The following PRH1 variants were observed in gnomAD, a reference collection of about 807,000 sequenced individuals.
PRH1 encodes the protein proline rich protein HaeIII subfamily 1.
A neutral mutation model predicts 7.9 loss-of-function variants in PRH1; 7 were observed. The ratio of observed to expected loss-of-function variants is 0.89; its 90% CI spans 0.50 to 1.67. The LOEUF is 1.67. Among genes scored for constraint, PRH1 ranks in the 40% most tolerant of loss-of-function variants. The pLI, the probability that PRH1 is intolerant of heterozygous loss-of-function variation, is 0.00. For synonymous variants in PRH1, 45 were observed against 80.8 expected (o/e 0.56, Z 2.38); for missense variants, 109 against 223.6 (o/e 0.49, Z 3.27).
In PRH1 at chr12:10,950,120, C is replaced by T. The variant is rs550339510; in HGVS notation, c.-59+23535G>A. 3.8e-4 allele frequency among the ~76,000 whole-genome samples: 58 copies of T among 152,070 alleles called. 1 individual carries two copies. Among genetic ancestry groups the T allele is most frequent in the Admixed American group, 2.7e-3 (41 of 15,280 alleles). On this transcript the variant is annotated intron_variant, in intron 2 of 3. Coordinates refer to the PRH1 transcript ENST00000539853. Reference sequence around the variant, plus strand: ...TTTTAATTGCTGTATAGTACTCTACCGCATAAGTATGCCATAATTTATTTA... The same window carrying T: ...TTTTAATTGCTGTATAGTACTCTACTGCATAAGTATGCCATAATTTATTTA...
At chr12:11,073,823 T>C (rs1194319724) in intron 1 of PRH1, among the ~76,000 whole-genome samples, 1 of 152,140 alleles carries the variant, frequency 6.6e-6, no homozygotes, top group African/African-American at 2.4e-5. Context: ...ATCAAGCCCG[T>C]AGGAGAGGAG....
intron 2 of PRH1, among the ~76,000 whole-genome samples, chr12:10,920,556 A>ATG (rs1950031946): frequency 6.6e-6 from 1 of 152,172 alleles, no homozygotes; most frequent in Non-Finnish European, 1.5e-5. Context: ...CCACATTTTA[A>ATG]TGGACCAGTG....
Position 11,168,245 on chromosome 12 carries a change from AAAG to A in PRH1, n.39+3174_39+3176del. Among the ~76,000 whole-genome samples, 3 of 30,244 alleles carry A rather than the reference AAAG, an allele frequency of 9.9e-5. 1 individual carries two copies. In the East Asian group the frequency reaches 1.6e-3, roughly 16 times the overall value. The allele number at this position is 30,244 out of a possible 152,430, so 19.8% of individuals were successfully genotyped here. On this transcript the variant is annotated intron_variant and non_coding_transcript_variant, in intron 1 of 1. Coordinates refer to the PRH1 transcript ENST00000541175. ...GAAAGAAAGAAAGAAAGAAAGAAAG[AAAG>A]AAAGAAAGAAAGAAAGAAAGAAAGA...
intron 1 of PRH1, among the ~76,000 whole-genome samples, chr12:11,135,908 C>T (rs931164441): frequency 6.6e-6 from 1 of 152,042 alleles, no homozygotes; most frequent in Non-Finnish European, 1.5e-5. Flanking sequence ...TTCTATGAGA[C>T]GTTTCTCCTA....
intron 2 of PRH1, among the ~76,000 whole-genome samples, chr12:10,910,611 G>T (rs905031097): frequency 1.3e-5 from 2 of 152,112 alleles, no homozygotes; most frequent in African/African-American, 4.8e-5. Flanking sequence ...GATAAGCGGG[G>T]ACTAATGTGT....
rs187523839 is a variant in PRH1 at position 11,140,413 on chromosome 12, G to A, written n.40-19233C>T. On this transcript the variant is annotated intron_variant and non_coding_transcript_variant, in intron 1 of 1. Coordinates refer to the PRH1 transcript ENST00000541175. ...CATGTCTGAATGTTTTAAAAAGTAGGCCTAATATCACTGGTCAAGATTCCC... is the reference window on the plus strand; with the variant it reads ...CATGTCTGAATGTTTTAAAAAGTAGACCTAATATCACTGGTCAAGATTCCC... Among the ~76,000 whole-genome samples, 556 of 152,148 alleles carry A rather than the reference G, an allele frequency of 3.7e-3. 14 individuals carry two copies. The highest frequency in any genetic ancestry group is 0.03 in the Admixed American group (464 of 15,264).
At chr12:10,885,886 G>C (rs1483735097), upstream of PRH1, among the ~76,000 whole-genome samples, 1 of 152,220 alleles carries the variant, frequency 6.6e-6, no homozygotes, top group East Asian at 1.9e-4. Context: ...GGGCATATGA[G>C]GGTCTGGTAT....
rs138107890 is a variant in PRH1 at position 10,954,024 on chromosome 12, T to C, written c.-59+19631A>G. Reference sequence around the variant, plus strand: ...ATCCAGCCAAACTAAACTTCATAAGTGAAGGAGAAATAGGATCTTTTTCAG... The same window carrying C: ...ATCCAGCCAAACTAAACTTCATAAGCGAAGGAGAAATAGGATCTTTTTCAG... On this transcript the variant is annotated intron_variant, in intron 2 of 3. Coordinates refer to the PRH1 transcript ENST00000539853. Among the ~76,000 whole-genome samples the C allele has an allele frequency of 1.6e-4, 24 of 152,154 alleles. No homozygotes were observed. In the East Asian group the frequency reaches 4.6e-3, roughly 29 times the overall value.
intron 1 of PRH1, chr12:11,021,942 C>A: frequency 6.2e-7 from 1 of 1,614,040 alleles, no homozygotes. Flanking sequence ...TGCTATGGAG[C>A]CGCATCTTCT....
At chr12:10,953,429 T>C (rs934845547) in intron 2 of PRH1, among the ~76,000 whole-genome samples, 13 of 152,154 alleles carry the variant, frequency 8.5e-5, no homozygotes, top group African/African-American at 2.2e-4. Flanking sequence ...ACTGATCTGA[T>C]AGAGCTGAAA....
intron 1 of PRH1, 105 bp from the exon 2 acceptor site, chr12:10,883,201 C>G: frequency 7.8e-7 from 1 of 1,287,426 alleles, no homozygotes; most frequent in Non-Finnish European, 1.1e-6. Context: ...CTGTGCATCC[C>G]CTTTGTGATC....
intron 1 of PRH1, among the ~76,000 whole-genome samples, chr12:11,019,237 A>G (rs1233553071): frequency 6.6e-6 from 1 of 152,274 alleles, no homozygotes; most frequent in Non-Finnish European, 1.5e-5. Context: ...ACCCTTCTGG[A>G]AAAGTATGGA....
rs531191330 is a variant in PRH1 at position 10,890,596 on chromosome 12, C to T, written c.-58-6321G>A. Reference sequence around the variant, plus strand: ...TATAAAGAACGACTGTAGGCCTCCCCGGTGCAGTGGCTCATGCCTGTAATA... The same window carrying T: ...TATAAAGAACGACTGTAGGCCTCCCTGGTGCAGTGGCTCATGCCTGTAATA... On this transcript the variant is annotated intron_variant, in intron 2 of 3. Coordinates refer to the PRH1 transcript ENST00000539853. Among the ~76,000 whole-genome samples the T allele has an allele frequency of 5.3e-5, 8 of 152,198 alleles. No individual in the cohort carries two copies. The East Asian group carries it at 5.8e-4, about 11-fold the overall frequency.
chr12:11,014,781 C>A (rs1941215369), intron 1 of PRH1, among the ~76,000 whole-genome samples: 2 of 152,078 alleles, frequency 1.3e-5, no homozygotes, highest in African/African-American at 2.4e-5. Context: ...GATAACAGTA[C>A]CCAGAGGAAA....
At chr12:11,030,874 C>T (rs760783941) in intron 1 of PRH1, 3 of 1,614,164 alleles carry the variant, frequency 1.9e-6, no homozygotes, top group Non-Finnish European at 2.5e-6. Flanking sequence ...ATTCTTTTGT[C>T]CGTACAATCT....
intron 1 of PRH1, among the ~76,000 whole-genome samples, chr12:11,043,115 G>A (rs573486378): frequency 3.9e-5 from 6 of 152,136 alleles, no homozygotes; most frequent in Non-Finnish European, 7.4e-5. Flanking sequence ...ATTTATCCCT[G>A]AGATGCAAGG....
intron 2 of PRH1, chr12:10,891,858 A>T (rs1949578382): frequency 6.6e-6 from 1 of 152,232 alleles, no homozygotes; most frequent in South Asian, 2.1e-4. Context: ...AACTTTGATC[A>T]CTGTGAGTAA....
chr12:11,117,043 T>C (rs986152810), downstream of PRH1, among the ~76,000 whole-genome samples: 2 of 152,020 alleles, frequency 1.3e-5, no homozygotes, highest in South Asian at 2.1e-4. Flanking sequence ...CTACTATTAT[T>C]CAACATAATA....
downstream of PRH1, among the ~76,000 whole-genome samples, chr12:11,116,853 G>A (rs1351143624): frequency 6.6e-6 from 1 of 152,022 alleles, no homozygotes; most frequent in Non-Finnish European, 1.5e-5. Flanking sequence ...TGCTGAAAAA[G>A]CATTTGATAA....
Sources: allele counts gnomAD v4.1 joint callset (sites outside exome capture counted in the v4.1 genomes callset), GRCh38; gene constraint gnomAD v4.1.1; transcripts MANE v1.5; gene names NCBI Gene and HGNC (gene_info 2026-07-23, HGNC 2026-07-21).